The following SAMD12 variants were observed in gnomAD, a reference collection of about 807,000 sequenced individuals.
The protein encoded by SAMD12 is sterile alpha motif domain-containing protein 12.
A neutral mutation model predicts 15.0 loss-of-function variants in SAMD12; 9 were observed. The observed-to-expected ratio is 0.60, with a 90% CI of 0.36 to 1.05. The LOEUF (loss-of-function observed/expected upper bound fraction) is 1.05. Ranked by LOEUF, SAMD12 falls within the 50% of genes least tolerant of loss-of-function variation. SAMD12 has a pLI of 0.01. For missense variants in SAMD12, 230 were observed against 234.2 expected, an observed-to-expected ratio of 0.98 and a Z score of 0.12; for synonymous variants, 86 against 90.1, an observed-to-expected ratio of 0.96 and a Z score of 0.25.
At chr8:118,368,549 A>C (rs1380414515) in intron 4 of SAMD12, among the ~76,000 whole-genome samples, 1 of 152,214 alleles carries the variant, frequency 6.6e-6, no homozygotes, top group African/African-American at 2.4e-5. Flanking sequence ...CAATAGAAAA[A>C]GATCACAAGG....
At chr8:118,198,618 T>C (rs556804233) in intron 4 of SAMD12, among the ~76,000 whole-genome samples, 7 of 152,174 alleles carry the variant, frequency 4.6e-5, no homozygotes, top group Non-Finnish European at 8.8e-5. Flanking sequence ...TCTAACTAAC[T>C]GGCTTTTCAA....
At chr8:118,447,379 T>C (rs906123042) in intron 2 of SAMD12, among the ~76,000 whole-genome samples, 89 of 152,160 alleles carry the variant, frequency 5.8e-4, no homozygotes, top group African/African-American at 2.0e-3. Context: ...TTCAGCTCAC[T>C]GCAACCTCTT....
the SAMD12 span, among the ~76,000 whole-genome samples, chr8:118,168,272 C>A: frequency 4.4e-3 from 669 of 152,226 alleles, 6 homozygotes; most frequent in African/African-American, 0.015. Context: ...AAGGAGGGAC[C>A]ATTGGAGTGT....
intron 4 of SAMD12, among the ~76,000 whole-genome samples, chr8:118,265,973 T>G (rs771839176): frequency 1.3e-5 from 2 of 152,046 alleles, no homozygotes; most frequent in Non-Finnish European, 2.9e-5. Flanking sequence ...AAGACATACC[T>G]GAGACTGGGT....
chr8:118,212,019 CCTCATGTGT>C (rs1811841602), intron 4 of SAMD12, among the ~76,000 whole-genome samples: 1 of 151,884 alleles, frequency 6.6e-6, no homozygotes, highest in Non-Finnish European at 1.5e-5. Flanking sequence ...ACCACAGCTT[CCTCATGTGT>C]AAAAGGAGAA....
intron 2 of SAMD12, among the ~76,000 whole-genome samples, chr8:118,450,853 C>T (rs1444377241): frequency 1.3e-5 from 2 of 152,098 alleles, no homozygotes; most frequent in Admixed American, 1.3e-4. Context: ...GCTTGGCATG[C>T]ATTTGCACTC....
chr8:118,185,219 T>C (rs1819223320), downstream of SAMD12, among the ~76,000 whole-genome samples: 1 of 152,152 alleles, frequency 6.6e-6, no homozygotes, highest in Admixed American at 6.5e-5. Context: ...ATTATGCACT[T>C]ATTTTATTTT....
At chr8:118,472,886 G>GA (rs35896929) in intron 2 of SAMD12, among the ~76,000 whole-genome samples, 130,361 of 147,246 alleles carry the variant, frequency 0.89, 58,898 homozygotes, top group Non-Finnish European at 0.99. Context: ...ATTTTGACAG[G>GA]AAAAAAAAAA....
At chr8:118,408,209 A>G (rs1821227677) in intron 3 of SAMD12, among the ~76,000 whole-genome samples, 1 of 152,184 alleles carries the variant, frequency 6.6e-6, no homozygotes, top group African/African-American at 2.4e-5. Flanking sequence ...TATACATGCT[A>G]CAAAAGACCA....
chr8:118,228,565 T>G lies in SAMD12; in HGVS notation c.434-30833A>C, dbSNP rs193256501. The stretch of plus-strand genomic sequence containing the variant: ...TCAACATTACTCATGATCAGGGAAA[T>G]GCAAATCAAAACCACAATGCAATAC... On this transcript the variant is annotated intron_variant, in intron 4 of 4. Coordinates refer to the SAMD12 transcript ENST00000409003. 3.0e-3 allele frequency among the ~76,000 whole-genome samples: 457 copies of G among 152,172 alleles called. 8 individuals carry two copies. Among genetic ancestry groups the G allele is most frequent in the Admixed American group, 0.022 (342 of 15,290 alleles).
chr8:118,294,833 A>G (rs954428845), intron 4 of SAMD12, among the ~76,000 whole-genome samples: 1 of 152,142 alleles, frequency 6.6e-6, no homozygotes, highest in African/African-American at 2.4e-5. Flanking sequence ...ATCTGGGTAC[A>G]TTAATCTGAT....
intron 2 of SAMD12, among the ~76,000 whole-genome samples, chr8:118,542,818 G>C (rs909202091): frequency 6.6e-6 from 1 of 152,146 alleles, no homozygotes; most frequent in African/African-American, 2.4e-5. Flanking sequence ...ATAAAGAACA[G>C]AACCACGGAC....
chr8:118,257,957 C>T (rs1183117568), intron 4 of SAMD12, among the ~76,000 whole-genome samples: 1 of 152,080 alleles, frequency 6.6e-6, no homozygotes, highest in Non-Finnish European at 1.5e-5. Context: ...CTACAGGTTG[C>T]TTTATTCTGG....
intron 2 of SAMD12, among the ~76,000 whole-genome samples, chr8:118,566,621 G>C (rs972289012): frequency 6.6e-6 from 1 of 152,018 alleles, no homozygotes; most frequent in Non-Finnish European, 1.5e-5. Flanking sequence ...ACTATGTCAG[G>C]ATCCTCCATA....
chr8:118,186,120 C>T (rs1278430949), downstream of SAMD12, among the ~76,000 whole-genome samples: 1 of 152,112 alleles, frequency 6.6e-6, no homozygotes, highest in African/African-American at 2.4e-5. Flanking sequence ...CTTCTCAGAG[C>T]CTTTAATGTG....
At chr8:118,410,450 A>G (rs1761641637) in intron 3 of SAMD12, among the ~76,000 whole-genome samples, 1 of 152,206 alleles carries the variant, frequency 6.6e-6, no homozygotes, top group Non-Finnish European at 1.5e-5. Flanking sequence ...GTTAGGGACG[A>G]TATCTCCTGC....
chr8:118,152,454 C>CCTTCCTTCCTTCCTTCCTTCCTT, the SAMD12 span, among the ~76,000 whole-genome samples: 1 of 144,278 alleles, frequency 6.9e-6, no homozygotes, highest in Non-Finnish European at 1.5e-5. Flanking sequence ...CTCCCTCCCT[C>CCTTCCTTCCTTCCTTCCTTCCTT]CCTACCTTCC....
chr8:118,326,379 G>A (rs73323654), intron 4 of SAMD12, among the ~76,000 whole-genome samples: 4,152 of 152,138 alleles, frequency 0.027, 168 homozygotes, highest in African/African-American at 0.093. Context: ...TTAGGGGAAG[G>A]CTTGGGGAAG....
At chr8:118,494,234 C>T (rs148244983) in intron 2 of SAMD12, among the ~76,000 whole-genome samples, 102 of 152,272 alleles carry the variant, frequency 6.7e-4, no homozygotes, top group African/African-American at 2.4e-3. Flanking sequence ...ATTTTTTCTC[C>T]AGAGCCTCTA....
Sources: allele counts gnomAD v4.1 joint callset (sites outside exome capture counted in the v4.1 genomes callset), GRCh38; gene constraint gnomAD v4.1.1; transcripts MANE v1.5; gene names NCBI Gene and HGNC (gene_info 2026-07-23, HGNC 2026-07-21).